STRN: variants seen among roughly 807,000 people sequenced by gnomAD.
STRN encodes striatin.
STRN carries 53 observed loss-of-function variants against 96.3 expected under a neutral mutation model. That is an observed-to-expected ratio of 0.55 (90% confidence interval 0.44 to 0.69). The LOEUF is 0.69. Ranked by LOEUF, STRN falls within the 30% of genes least tolerant of loss-of-function variation. The pLI is 0.00. For synonymous variants in STRN, 428 were observed against 355.9 expected, an observed-to-expected ratio of 1.20 and a Z score of -2.28; for missense variants, 987 against 963.9, an observed-to-expected ratio of 1.02 and a Z score of -0.32.
chr2:36,955,396 A>C (rs1664860419), intron 1 of STRN, among the ~76,000 whole-genome samples: 1 of 152,248 alleles, frequency 6.6e-6, no homozygotes, highest in Non-Finnish European at 1.5e-5. Context: ...AGGGCAGTGC[A>C]CATGTGTGCA....
chr2:36,842,066 G>A lies in STRN; in HGVS notation c.*7390C>T, dbSNP rs1667966304. On this transcript the variant is annotated 3_prime_UTR_variant, in exon 18 of 18. Coordinates refer to ENST00000263918, the MANE Select transcript of STRN (RefSeq NM_003162.4). ...TTTTGTTTATGCATGAAAAATTATT[G>A]TCTTGGTCCCATTTCCAAAGGGAAG... 1 of 152,152 alleles carries A rather than the reference G, an allele frequency of 6.6e-6. No homozygotes were observed. The highest frequency in any genetic ancestry group is 2.4e-5 in the African/African-American group (1 of 41,426). 9.4% of individuals were successfully genotyped at this position (152,152 alleles called of 1,614,324 possible).
chr2:36,919,335 C>T (rs959219218), intron 2 of STRN, among the ~76,000 whole-genome samples: 1 of 152,128 alleles, frequency 6.6e-6, no homozygotes, highest in Non-Finnish European at 1.5e-5. Flanking sequence ...TAATCTAATT[C>T]GGTCAAAACT....
chr2:36,915,228 CATAAATATATAT>C (rs912580096), intron 3 of STRN, among the ~76,000 whole-genome samples: 6 of 65,294 alleles, frequency 9.2e-5, no homozygotes, highest in African/African-American at 2.9e-4. Context: ...AAACTGAATA[CATAAATATATAT>C]ATATATATAT....
chr2:36,933,185 T>A (rs77876436), intron 1 of STRN, among the ~76,000 whole-genome samples: 4,206 of 152,212 alleles, frequency 0.028, 84 homozygotes, highest in African/African-American at 0.064. Context: ...TACAAAATTT[T>A]AAAAATACAG....
intron 5 of STRN, among the ~76,000 whole-genome samples, chr2:36,901,008 A>AC (rs1312848919): frequency 6.6e-6 from 1 of 152,000 alleles, no homozygotes. Flanking sequence ...TTCCTGAAAA[A>AC]AAAAAAAAAT....
intron 8 of STRN, among the ~76,000 whole-genome samples, chr2:36,884,896 AT>A (rs1260899575): frequency 1.3e-5 from 2 of 152,086 alleles, no homozygotes; most frequent in Non-Finnish European, 2.9e-5. Context: ...CTTCAGTTCT[AT>A]TTTTATCCTA....
At chr2:36,905,689 C>T (rs906704117) in intron 3 of STRN, 71 bp from the exon 4 acceptor site, 43 of 1,266,204 alleles carry the variant, frequency 3.4e-5, no homozygotes, top group African/African-American at 8.9e-5. Flanking sequence ...TCATTAATAA[C>T]GTCCAATAAA....
chr2:36,924,081 G>A (rs1670334307), intron 2 of STRN, among the ~76,000 whole-genome samples: 1 of 152,174 alleles, frequency 6.6e-6, no homozygotes, highest in African/African-American at 2.4e-5. Flanking sequence ...TATAGGCTGG[G>A]CATGGTGGCT....
chr2:36,895,829 C>G (rs907801525), intron 6 of STRN, among the ~76,000 whole-genome samples: 6 of 151,580 alleles, frequency 4.0e-5, no homozygotes, highest in Non-Finnish European at 8.8e-5. Context: ...GAGGCTGAGG[C>G]AGGAGAATGG....
Position 36,966,336 on chromosome 2 carries a change from G to A in STRN, c.128C>T (p.Ala43Val), listed in dbSNP as rs1665162464. The change falls in exon 1 of 18, where the codon GCC becomes GTC. Residue 43 changes from alanine (A) to valine (V), a missense_variant. Physicochemically the swap from Ala to Val is moderately conservative, Grantham distance 64. Transcript: ENST00000263918. ...CCCCGGGAGACTGTACTGGGCTCGG[G>A]CCGCCCCCGCCGCAGCCGCCCCGTC... Reference protein sequence around the residue: ...AGDGAAAAGAARAQYSLPGIL... With the variant: ...AGDGAAAAGAVRAQYSLPGIL... The A allele has an allele frequency of 1.4e-6, 2 of 1,468,812 alleles. No individual in the cohort carries two copies. Among genetic ancestry groups the A allele is most frequent in the Non-Finnish European group, 9.0e-7 (1 of 1,111,290 alleles). The allele number at this position is 1,468,812 out of a possible 1,614,324, so 91.0% of individuals were successfully genotyped here. A position where few individuals can be genotyped will look rare whatever the true frequency, so the allele number is the denominator to read the frequency against.
Position 36,867,754 on chromosome 2 carries a change from T to C in STRN, c.1547+60A>G, listed in dbSNP as rs17020003. The C allele has an allele frequency of 1.6e-3, 1,827 of 1,149,324 alleles. 22 individuals are homozygous for C. The African/African-American group carries it at 0.026, about 17-fold the overall frequency. 71.2% of individuals were successfully genotyped at this position (1,149,324 alleles called of 1,614,324 possible). A position where few individuals can be genotyped will look rare whatever the true frequency, so the allele number is the denominator to read the frequency against. On this transcript the variant is annotated intron_variant, in intron 12 of 17. Coordinates refer to ENST00000263918, the MANE Select transcript of STRN (RefSeq NM_003162.4). ...CTAGTAAGTGAAAGAAAATAAAATA[T>C]CCTAACCAGGCTATTTTACAGAGAT...
Position 36,845,452 on chromosome 2 carries a change from T to C in STRN, c.*4004A>G, listed in dbSNP as rs967377397. The C allele has an allele frequency of 6.6e-6, 1 of 152,170 alleles. No homozygotes were observed. Among genetic ancestry groups the C allele is most frequent in the African/African-American group, 2.4e-5 (1 of 41,448 alleles). 9.4% of individuals were successfully genotyped at this position (152,170 alleles called of 1,614,324 possible). A position where few individuals can be genotyped will look rare whatever the true frequency, so the allele number is the denominator to read the frequency against. ...ATGACAAAGAGGTAGATATGAGAGA[T>C]GCTTTTTAAATATTTTAAGACTATT... On this transcript the variant is annotated 3_prime_UTR_variant, in exon 18 of 18. Coordinates refer to ENST00000263918, the MANE Select transcript of STRN (RefSeq NM_003162.4).
At position 36,887,042 on chromosome 2, in the gene STRN, GACAC is replaced by G. The variant is rs70946957; in HGVS notation, c.932-220_932-217del. On this transcript the variant is annotated intron_variant, in intron 7 of 17. Transcript: ENST00000263918. ...TTCCTAGAATCAGTTTCTCCTGAAA[GACAC>G]ACACACACACACACACACACACACA... 8.0e-3 allele frequency among the ~76,000 whole-genome samples: 1,162 copies of G among 144,882 alleles called. 16 individuals carry two copies. The highest frequency in any genetic ancestry group is 0.028 in the African/African-American group (1,081 of 38,510).
In STRN at chr2:36,844,959, C is replaced by G. The variant is rs1331319494; in HGVS notation, c.*4497G>C. The G allele has an allele frequency of 6.6e-6, 1 of 152,044 alleles. No individual in the cohort carries two copies. Among genetic ancestry groups the G allele is most frequent in the Non-Finnish European group, 1.5e-5 (1 of 68,014 alleles). The allele number at this position is 152,044 out of a possible 1,614,324, so 9.4% of individuals were successfully genotyped here. A position where few individuals can be genotyped will look rare whatever the true frequency, so the allele number is the denominator to read the frequency against. ...TCGTCAGCTACTACTTTGTATACAA[C>G]CTGAATCCCAGTGTCCAACACTTAA... On this transcript the variant is annotated 3_prime_UTR_variant, in exon 18 of 18. Transcript: ENST00000263918.
In STRN at chr2:36,848,570, A is replaced by T. The variant is rs888626063; in HGVS notation, c.*886T>A. On this transcript the variant is annotated 3_prime_UTR_variant, in exon 18 of 18. Coordinates refer to ENST00000263918, the MANE Select transcript of STRN (RefSeq NM_003162.4). ...GAAAAGTAAGATTTCATTGGTATGA[A>T]ATAATCACTCTGGTACTATAAATGT... is the stretch of plus-strand genomic sequence containing the variant. The T allele has an allele frequency of 3.3e-5, 5 of 152,350 alleles. No individual in the cohort carries two copies. Among genetic ancestry groups the T allele is most frequent in the Admixed American group, 6.5e-5 (1 of 15,298 alleles). 9.4% of individuals were successfully genotyped at this position (152,350 alleles called of 1,614,324 possible).
intron 3 of STRN, among the ~76,000 whole-genome samples, chr2:36,912,586 T>A (rs148526052): frequency 6.6e-6 from 1 of 152,324 alleles, no homozygotes; most frequent in African/African-American, 2.4e-5. Flanking sequence ...CTTCTACCAG[T>A]CTTTTAAATG....
At chr2:36,942,301 G>A (rs1478675518) in intron 1 of STRN, among the ~76,000 whole-genome samples, 6 of 152,014 alleles carry the variant, frequency 3.9e-5, no homozygotes, top group African/African-American at 1.2e-4. Flanking sequence ...GTTTTTTTAT[G>A]TCATTGCTAA....
intron 1 of STRN, among the ~76,000 whole-genome samples, 194 bp downstream of exon 1, chr2:36,966,034 AGT>A (rs1491532103): frequency 6.8e-6 from 1 of 147,828 alleles, no homozygotes; most frequent in African/African-American, 2.5e-5. Flanking sequence ...CAGGAGCGGG[AGT>A]GAGAACAGGG....
intron 1 of STRN, among the ~76,000 whole-genome samples, chr2:36,939,273 C>T (rs1370882616): frequency 6.6e-6 from 1 of 151,916 alleles, no homozygotes; most frequent in Non-Finnish European, 1.5e-5. Context: ...ATACACTGTA[C>T]TGACATTCTT....
Sources: gnomAD v4.1 joint callset for allele counts (sites outside exome capture counted in the v4.1 genomes callset) on GRCh38, gnomAD v4.1.1 for gene constraint, MANE v1.5 for transcripts, NCBI Gene and HGNC (gene_info 2026-07-23, HGNC 2026-07-21) for gene names.